Variants in PYROXD1 observed in about 807,000 individuals in gnomAD.
PYROXD1 encodes the protein pyridine nucleotide-disulphide oxidoreductase domain 1.
In PYROXD1, 42 loss-of-function variants were observed where a neutral mutation model predicts 62.0. That is an observed-to-expected ratio of 0.68 (90% CI 0.53 to 0.88). The LOEUF is 0.88. PYROXD1 is among the 40% of genes least tolerant of loss of function. PYROXD1 has a pLI of 0.00. For missense variants in PYROXD1, 493 were observed against 604.8 expected (o/e 0.82, Z 1.94); for synonymous variants, 170 against 206.4 (o/e 0.82, Z 1.51).
In PYROXD1 at chr12:21,468,955, A is replaced by T. The variant is rs1306271425; in HGVS notation, c.*201A>T. On this transcript the variant is annotated 3_prime_UTR_variant, in exon 12 of 12. Transcript: ENST00000240651. ...AGTTTATTTATAGATATATCTTTCC[A>T]ATACAACACTGACCGCTTAGATAAA... is the stretch of plus-strand genomic sequence containing the variant. 3.9e-6 allele frequency: 2 copies of T among 508,240 alleles called. No individual in the cohort carries two copies. The highest frequency in any genetic ancestry group is 7.3e-5 in the Admixed American group (2 of 27,516). The allele number at this position is 508,240 out of a possible 1,614,324, so 31.5% of individuals were successfully genotyped here.
At chr12:21,455,356 G>C (rs898546596) in intron 6 of PYROXD1, 64 bp downstream of exon 6, 6 of 1,013,852 alleles carry the variant, frequency 5.9e-6, no homozygotes, top group Non-Finnish European at 8.0e-6. Context: ...ATAGAAAAGG[G>C]CTACAAGAAA....
At position 21,455,182 on chromosome 12, in the gene PYROXD1, T is replaced by C. The variant is rs1942572517; in HGVS notation, c.539T>C (p.Ile180Thr). ...ATTTGGGCCATTAAAGATAAAGCTATAGGGAATACTTTCTTCGATGCAGGA... is the reference window on the plus strand; with the variant it reads ...ATTTGGGCCATTAAAGATAAAGCTACAGGGAATACTTTCTTCGATGCAGGA... Reference protein sequence around the residue: ...EVIWAIKDKAIGNTFFDAGAA... With the variant: ...EVIWAIKDKATGNTFFDAGAA... Residue 180 changes from isoleucine (I) to threonine (T), a missense_variant, in exon 6 of 12, where the codon ATA (isoleucine) becomes ACA (threonine). Transcript: ENST00000240651. The C allele has an allele frequency of 6.4e-7, 1 of 1,567,024 alleles. No homozygotes were observed. The highest frequency in any genetic ancestry group is 8.6e-7 in the Non-Finnish European group (1 of 1,156,562).
chr12:21,440,521 TTG>T (rs1270908799), intron 2 of PYROXD1, 73 bp downstream of exon 2: 1 of 810,006 alleles, frequency 1.2e-6, no homozygotes, highest in Non-Finnish European at 2.0e-6. Flanking sequence ...GTTAGGGTAA[TTG>T]TGTATTTTTT....
chr12:21,469,506 A>G lies in PYROXD1; in HGVS notation c.*752A>G, dbSNP rs1451469208. 6.7e-6 allele frequency: 1 copy of G among 149,488 alleles called. No individual in the cohort carries two copies. Among genetic ancestry groups the G allele is most frequent in the Non-Finnish European group, 1.5e-5 (1 of 67,584 alleles). The allele number at this position is 149,488 out of a possible 1,614,324, so 9.3% of individuals were successfully genotyped here. A position where few individuals can be genotyped will look rare whatever the true frequency, so the allele number is the denominator to read the frequency against. ...CATCCCTGATCTACATATTTAACTT[A>G]AAGTATCACTCAGTGAACCTCTGTC... On this transcript the variant is annotated 3_prime_UTR_variant, in exon 12 of 12. Transcript: ENST00000240651.
At chr12:21,438,269 G>C (rs1464477357) in intron 1 of PYROXD1, 3 of 154,304 alleles carry the variant, frequency 1.9e-5, no homozygotes, top group South Asian at 1.9e-4. Context: ...TCAGCCTGTA[G>C]CTGGGATTAC....
At chr12:21,465,864 C>T (rs1942784075) in intron 10 of PYROXD1, among the ~76,000 whole-genome samples, 1 of 152,082 alleles carries the variant, frequency 6.6e-6, no homozygotes, top group Admixed American at 6.6e-5. Flanking sequence ...GGAAGGGATC[C>T]CGTTTCAGCT....
At chr12:21,462,238 G>T in intron 9 of PYROXD1, 118 bp downstream of exon 9, 1 of 628,456 alleles carries the variant, frequency 1.6e-6, no homozygotes, top group Non-Finnish European at 2.8e-6. Context: ...TAACATGGTT[G>T]GAAACAGTTT....
intron 2 of PYROXD1, 63 bp from the exon 3 acceptor site, chr12:21,445,280 ATTAT>A (rs1942364845): frequency 3.6e-6 from 5 of 1,406,474 alleles, no homozygotes; most frequent in Non-Finnish European, 4.7e-6. Flanking sequence ...AAGTATTTTT[ATTAT>A]TTAAGATTCT....
chr12:21,460,126 T>C (rs1424715629), intron 7 of PYROXD1, among the ~76,000 whole-genome samples: 1 of 152,160 alleles, frequency 6.6e-6, no homozygotes, highest in Non-Finnish European at 1.5e-5. Flanking sequence ...CTTTAGAGCA[T>C]TGGTTTTTGG....
intron 5 of PYROXD1, among the ~76,000 whole-genome samples, chr12:21,453,173 CACTT>C (rs1942533145): frequency 6.6e-6 from 1 of 152,052 alleles, no homozygotes; most frequent in Non-Finnish European, 1.5e-5. Flanking sequence ...ACCAAAGTAT[CACTT>C]ACTATTATTA....
rs142038240 is a variant in PYROXD1 at position 21,470,285 on chromosome 12, G to C, written c.*1531G>C. On this transcript the variant is annotated 3_prime_UTR_variant, in exon 12 of 12. Coordinates refer to ENST00000240651, the MANE Select transcript of PYROXD1 (RefSeq NM_024854.5). ...TGCAGCCTTCTTCTGGAAGTTGCCT[G>C]AATTTTTTTCCTCCATCTTTTTATC... 1.0e-3 allele frequency: 1,641 copies of C among 1,584,672 alleles called. 1 individual carries two copies. Among genetic ancestry groups the C allele is most frequent in the Non-Finnish European group, 1.3e-3 (1,544 of 1,167,040 alleles).
chr12:21,439,957 T>G (rs190974636), intron 1 of PYROXD1, among the ~76,000 whole-genome samples: 148 of 152,314 alleles, frequency 9.7e-4, no homozygotes, highest in Non-Finnish European at 1.7e-3. Context: ...AGGGTTTGCT[T>G]TAATTTCATC....
chr12:21,455,000 T>C (rs1445146629), intron 5 of PYROXD1, 132 bp from the exon 6 acceptor site: 3 of 440,228 alleles, frequency 6.8e-6, no homozygotes, highest in Non-Finnish European at 1.2e-5. Flanking sequence ...TTCCTCTTTA[T>C]AATCAATCTT....
At chr12:21,457,806 C>T (rs1942625971) in intron 7 of PYROXD1, among the ~76,000 whole-genome samples, 1 of 152,168 alleles carries the variant, frequency 6.6e-6, no homozygotes, top group Non-Finnish European at 1.5e-5. Context: ...GAAACTGTCC[C>T]CATGATCCAG....
chr12:21,454,718 G>A (rs1312684356), intron 5 of PYROXD1: 1 of 152,248 alleles, frequency 6.6e-6, no homozygotes, highest in Non-Finnish European at 1.5e-5. Flanking sequence ...CCAAATAAGT[G>A]ACTGATTCTC....
Position 21,467,600 on chromosome 12 carries a change from A to G in PYROXD1, c.1236A>G (p.Thr412=). Reference sequence around the variant, plus strand: ...GCTTTGAACTGTTTGCTCATGTGACAAAATTTTTTAACTATAAGGTAAGAT... The same window carrying G: ...GCTTTGAACTGTTTGCTCATGTGACGAAATTTTTTAACTATAAGGTAAGAT... ...DFSFELFAHV[T]KFFNYKVVLL... Residue 412 remains threonine, a synonymous_variant, in exon 11 of 12, where the codon ACA becomes ACG. Coordinates refer to ENST00000240651, the MANE Select transcript of PYROXD1 (RefSeq NM_024854.5). The G allele has an allele frequency of 6.2e-7, 1 of 1,610,898 alleles. No homozygotes were observed. Among genetic ancestry groups the G allele is most frequent in the Non-Finnish European group, 8.5e-7 (1 of 1,178,294 alleles).
chr12:21,457,955 G>A (rs1178005052), intron 7 of PYROXD1, among the ~76,000 whole-genome samples: 1 of 148,104 alleles, frequency 6.8e-6, no homozygotes, highest in Non-Finnish European at 1.5e-5. Flanking sequence ...CAGGGTAGAT[G>A]TAGTATAGTT....
intron 1 of PYROXD1, chr12:21,438,187 C>CT (rs1942229250): frequency 5.5e-6 from 1 of 181,550 alleles, no homozygotes; most frequent in African/African-American, 2.4e-5. Flanking sequence ...GTCGCCCAGA[C>CT]TGGAGGGCAG....
rs1456700233 is a variant in PYROXD1 at position 21,461,159 on chromosome 12, G to C, written c.880+5G>C. ...AGTCAGTTACAGCTGATACAGGCAA[G>C]TAATGAAATAAGAAAAAATATATAT... On this transcript the variant is annotated splice_donor_5th_base_variant and intron_variant, in intron 8 of 11. Transcript: ENST00000240651. 1 of 1,492,050 alleles carries C rather than the reference G, an allele frequency of 6.7e-7. No homozygotes were observed. The highest frequency in any genetic ancestry group is 1.5e-5 in the South Asian group (1 of 67,798). 92.4% of individuals were successfully genotyped at this position (1,492,050 alleles called of 1,614,324 possible). A position where few individuals can be genotyped will look rare whatever the true frequency, so the allele number is the denominator to read the frequency against.
Sources: gnomAD v4.1 joint callset for allele counts (sites outside exome capture counted in the v4.1 genomes callset) on GRCh38, gnomAD v4.1.1 for gene constraint, MANE v1.5 for transcripts, NCBI Gene and HGNC (gene_info 2026-07-23, HGNC 2026-07-21) for gene names.